The following PPM1E variants were observed in gnomAD, a reference collection of about 807,000 sequenced individuals.
PPM1E encodes protein phosphatase 1E.
PPM1E carries 20 observed loss-of-function variants against 65.9 expected under a neutral mutation model. The observed-to-expected ratio is 0.30, with a 90% confidence interval of 0.21 to 0.44. The LOEUF (loss-of-function observed/expected upper bound fraction) is 0.44, where lower values mean the gene tolerates loss of function less well. Among genes scored for constraint, PPM1E ranks in the 20% least tolerant of loss-of-function variants. The probability of loss-of-function intolerance (pLI) is 1.00; values close to 1 mark genes in which losing one functional copy is unlikely to be tolerated. For synonymous variants in PPM1E, 352 were observed against 374.9 expected (o/e 0.94, Z 0.70); for missense variants, 713 against 953.1 (o/e 0.75, Z 3.32).
intron 1 of PPM1E, 37 bp from the exon 2 acceptor site, chr17:58,955,612 T>C: frequency 6.2e-7 from 1 of 1,608,126 alleles, no homozygotes; most frequent in Non-Finnish European, 8.5e-7. Context: ...TTTCTAATTC[T>C]TTTGCTGAAA....
At chr17:58,898,198 G>C (rs940078912) in intron 1 of PPM1E, among the ~76,000 whole-genome samples, 2 of 151,706 alleles carry the variant, frequency 1.3e-5, no homozygotes, top group African/African-American at 4.8e-5. Context: ...GTTGCAGTGA[G>C]CTGAGATTGT....
At chr17:58,934,629 C>G (rs1046429720) in intron 1 of PPM1E, among the ~76,000 whole-genome samples, 5 of 152,050 alleles carry the variant, frequency 3.3e-5, no homozygotes, top group Non-Finnish European at 7.4e-5. Flanking sequence ...AAACAGTAAA[C>G]ATAATAAAAA....
intron 1 of PPM1E, among the ~76,000 whole-genome samples, chr17:58,913,012 G>A (rs1219510972): frequency 6.6e-6 from 1 of 152,058 alleles, no homozygotes; most frequent in East Asian, 1.9e-4. Context: ...TCTTCATCTG[G>A]CTGTTCATTT....
intron 1 of PPM1E, among the ~76,000 whole-genome samples, chr17:58,885,126 G>T (rs938908720): frequency 6.6e-6 from 1 of 151,928 alleles, no homozygotes; most frequent in Non-Finnish European, 1.5e-5. Flanking sequence ...GCGTGATCTC[G>T]GCTCACTGCA....
chr17:58,832,970 T>A (rs563609827), intron 1 of PPM1E, among the ~76,000 whole-genome samples: 1 of 152,128 alleles, frequency 6.6e-6, no homozygotes, highest in East Asian at 1.9e-4. Flanking sequence ...GCATCACTAC[T>A]CCTGGCTATG....
intron 1 of PPM1E, among the ~76,000 whole-genome samples, chr17:58,898,121 A>G (rs536183221): frequency 6.6e-6 from 1 of 152,126 alleles, no homozygotes; most frequent in East Asian, 1.9e-4. Context: ...GTGTGGTGGT[A>G]TGCACCTGAA....
At chr17:58,942,271 A>C (rs2143605757) in intron 1 of PPM1E, among the ~76,000 whole-genome samples, 1 of 152,226 alleles carries the variant, frequency 6.6e-6, no homozygotes, top group East Asian at 1.9e-4. Flanking sequence ...CTGTAGTCGT[A>C]GCTCCACAGG....
intron 6 of PPM1E, 96 bp from the exon 7 acceptor site, chr17:58,979,878 T>C: frequency 1.0e-6 from 1 of 953,074 alleles, no homozygotes; most frequent in Non-Finnish European, 1.6e-6. Context: ...CACAATCCAG[T>C]AAGCTGTGAT....
rs1402169694 is a variant in PPM1E, at chr17:58,980,241, A to G, written c.1478A>G (p.Lys493Arg). Reference sequence around the variant, plus strand: ...GTGGTATTCCTGAGGGACATGAACAAAGCTGTAAATGTTAGTGAGGAATCA... The same window carrying G: ...GTGGTATTCCTGAGGGACATGAACAGAGCTGTAAATGTTAGTGAGGAATCA... ...VIVVFLRDMN[K>R]AVNVSEESDW... is the part of the protein sequence containing the mutation. The change falls in exon 7 of 7, where the codon AAA (lysine) becomes AGA (arginine). Residue 493 changes from lysine (K) to arginine (R), a missense_variant. Lys to Arg is a conservative substitution (Grantham distance 26, BLOSUM62 2). Coordinates refer to ENST00000308249, the MANE Select transcript of PPM1E (RefSeq NM_014906.5). This position sits in a 1 kb window ranked among gnomAD's most constrained non-coding sequence, Gnocchi z 4.7. 1.2e-6 allele frequency: 2 copies of G among 1,614,220 alleles called. No individual in the cohort carries two copies. Among genetic ancestry groups the G allele is most frequent in the East Asian group, 4.5e-5 (2 of 44,886 alleles).
At chr17:58,874,212 A>C (rs1054565084) in intron 1 of PPM1E, among the ~76,000 whole-genome samples, 2 of 152,128 alleles carry the variant, frequency 1.3e-5, no homozygotes, top group African/African-American at 4.8e-5. Context: ...GAAATCATGC[A>C]GGGGTTGGGG....
At chr17:58,957,694 T>A (rs1006488076) in intron 2 of PPM1E, among the ~76,000 whole-genome samples, 1 of 152,184 alleles carries the variant, frequency 6.6e-6, no homozygotes, top group African/African-American at 2.4e-5. Context: ...GTCTCTCCTC[T>A]TGGTTGTTTC....
chr17:58,784,677 A>G (rs1325862145), intron 1 of PPM1E, among the ~76,000 whole-genome samples: 1 of 151,818 alleles, frequency 6.6e-6, no homozygotes, highest in African/African-American at 2.4e-5. Flanking sequence ...GGCCCGTGCC[A>G]CCACACCCAG....
At chr17:58,904,989 A>AC (rs1386127170) in intron 1 of PPM1E, among the ~76,000 whole-genome samples, 1 of 151,914 alleles carries the variant, frequency 6.6e-6, no homozygotes, top group African/African-American at 2.4e-5. Flanking sequence ...GTGCCATTGC[A>AC]CTCCAGCCTG....
chr17:58,825,226 A>T (rs1306645899), intron 1 of PPM1E, among the ~76,000 whole-genome samples: 2 of 37,398 alleles, frequency 5.3e-5, no homozygotes, highest in East Asian at 1.9e-3. Context: ...ACACACACTC[A>T]CACACACACA....
At chr17:58,853,471 G>T (rs754233416) in intron 1 of PPM1E, among the ~76,000 whole-genome samples, 7 of 152,112 alleles carry the variant, frequency 4.6e-5, no homozygotes, top group Non-Finnish European at 7.3e-5. Context: ...TTCTACATAT[G>T]TGTCTGTCTT....
At position 58,980,597 on chromosome 17, in the gene PPM1E, T is replaced by A. The variant is rs2143824743; in HGVS notation, c.1834T>A (p.Ser612Thr). 6.2e-7 allele frequency: 1 copy of A among 1,614,120 alleles called. No homozygotes were observed. Residue 612 changes from serine (S) to threonine (T), a missense_variant, in exon 7 of 7, where the codon TCA becomes ACA. Ser to Thr is a moderately conservative substitution (Grantham distance 58). Transcript: ENST00000308249. The surrounding 1 kb of genome is among the most constrained non-coding windows in gnomAD (Gnocchi z 4.7). ...TAATGAGTTAATGATGGAGAAAAAATCAGTTCAGTCATCATTGCCTGAATG... is the reference window on the plus strand; with the variant it reads ...TAATGAGTTAATGATGGAGAAAAAAACAGTTCAGTCATCATTGCCTGAATG... The part of the protein sequence containing the change: ...LINELMMEKK[S>T]VQSSLPEWSG...
chr17:58,854,399 A>T (rs541944930), intron 1 of PPM1E, among the ~76,000 whole-genome samples: 1 of 152,174 alleles, frequency 6.6e-6, no homozygotes, highest in East Asian at 1.9e-4. Flanking sequence ...GATGGCTTTT[A>T]CTTCTTTTTC....
intron 1 of PPM1E, among the ~76,000 whole-genome samples, chr17:58,888,909 A>G (rs1472168999): frequency 6.6e-6 from 1 of 152,194 alleles, no homozygotes; most frequent in African/African-American, 2.4e-5. Context: ...TTAAAATTTA[A>G]CATTTTAGAC....
intron 1 of PPM1E, among the ~76,000 whole-genome samples, chr17:58,840,077 G>A (rs1345764745): frequency 6.6e-6 from 1 of 152,184 alleles, no homozygotes; most frequent in Non-Finnish European, 1.5e-5. Flanking sequence ...AACCAGCCAA[G>A]GGAAGAAGCA....
Sources: gnomAD v4.1 joint callset for allele counts (sites outside exome capture counted in the v4.1 genomes callset) on GRCh38, gnomAD v4.1.1 for gene constraint, Gnocchi (gnomAD v3.1) non-coding constraint, MANE v1.5 for transcripts, NCBI Gene and HGNC (gene_info 2026-07-23, HGNC 2026-07-21) for gene names.